CRYL1: variants seen among roughly 807,000 people sequenced by gnomAD.
CRYL1 encodes the protein lambda-crystallin homolog.
Under a neutral mutation model 36.6 loss-of-function variants are expected in CRYL1, and 29 were observed. The observed-to-expected ratio is 0.79, with a 90% CI of 0.59 to 1.08. CRYL1 has a LOEUF of 1.08. Ranked by LOEUF, CRYL1 falls within the 50% of genes least tolerant of loss-of-function variation. The probability of loss-of-function intolerance (pLI) is 0.00; values close to 1 mark genes in which losing one functional copy is unlikely to be tolerated. For missense variants in CRYL1, 411 were observed against 407.9 expected (o/e 1.01, Z -0.06); for synonymous variants, 152 against 151.5 (o/e 1.00, Z -0.02).
intron 3 of CRYL1, among the ~76,000 whole-genome samples, chr13:20,469,550 T>C (rs1247869080): frequency 6.6e-6 from 1 of 152,196 alleles, no homozygotes; most frequent in African/African-American, 2.4e-5. Context: ...GGCCAGAGGC[T>C]GGGAGGGACT....
intron 5 of CRYL1, chr13:20,426,730 T>C: frequency 1.0e-6 from 1 of 985,412 alleles, no homozygotes; most frequent in Non-Finnish European, 1.2e-6. Flanking sequence ...ATCTTTGAGA[T>C]ACACTTCATT....
At chr13:20,504,004 T>C (rs924855687) in intron 2 of CRYL1, among the ~76,000 whole-genome samples, 3 of 152,124 alleles carry the variant, frequency 2.0e-5, no homozygotes, top group Admixed American at 6.5e-5. Context: ...AGGGTGACCA[T>C]GTACAGATGG....
intron 3 of CRYL1, among the ~76,000 whole-genome samples, chr13:20,454,698 C>T (rs7491303): frequency 0.36 from 54,855 of 152,032 alleles, 10,752 homozygotes; most frequent in South Asian, 0.54. Context: ...GGATTACAGG[C>T]GTGAGCCACC....
At chr13:20,499,687 C>T (rs1166330068) in intron 2 of CRYL1, among the ~76,000 whole-genome samples, 1 of 152,060 alleles carries the variant, frequency 6.6e-6, no homozygotes, top group Non-Finnish European at 1.5e-5. Flanking sequence ...ATTGTCAAAT[C>T]TGAGATGTTG....
intron 3 of CRYL1, among the ~76,000 whole-genome samples, chr13:20,486,513 C>T (rs2033404136): frequency 6.9e-6 from 1 of 144,622 alleles, no homozygotes; most frequent in Non-Finnish European, 1.5e-5. Flanking sequence ...TCTAATCCTA[C>T]CTGCATTAAA....
chr13:20,413,626 T>C (rs2031580116), intron 5 of CRYL1, among the ~76,000 whole-genome samples: 1 of 152,228 alleles, frequency 6.6e-6, no homozygotes, highest in Non-Finnish European at 1.5e-5. Flanking sequence ...GAGCTGAGAC[T>C]AAACACAAAA....
chr13:20,422,775 G>A (rs1336124384), intron 5 of CRYL1, among the ~76,000 whole-genome samples: 1 of 152,228 alleles, frequency 6.6e-6, no homozygotes, highest in Non-Finnish European at 1.5e-5. Context: ...CCCATCTCGA[G>A]TGGTATCTAC....
At position 20,404,549 on chromosome 13, in the gene CRYL1, G is replaced by T. The variant is rs2031313754; in HGVS notation, c.846+86C>A. ...GTAAAGATTCCAGCTGCAGAGGCAG[G>T]CCCACCCGCTGCAGAGGTGAGGGGC... On this transcript the variant is annotated intron_variant, in intron 7 of 7. Transcript: ENST00000298248. 3 of 834,746 alleles carry T rather than the reference G, an allele frequency of 3.6e-6. No individual in the cohort carries two copies. In the East Asian group the frequency reaches 7.4e-5, roughly 21 times the overall value. The allele number at this position is 834,746 out of a possible 1,614,324, so 51.7% of individuals were successfully genotyped here.
Position 20,482,756 on chromosome 13 carries a change from T to TGTGTGC in CRYL1, c.276+6613_276+6614insGCACAC, listed in dbSNP as rs889135517. 1.2e-3 allele frequency among the ~76,000 whole-genome samples: 189 copies of TGTGTGC among 151,738 alleles called. No individual in the cohort carries two copies. In the South Asian group the frequency reaches 0.013, roughly 11 times the overall value. On this transcript the variant is annotated intron_variant, in intron 3 of 7. Transcript: ENST00000298248. ...CAAGCAGTCTGTGTGTGTGTGTGTG[T>TGTGTGC]GCGCGCGTGTGTGTGCGCACGCACA...
Position 20,525,072 on chromosome 13 carries a change from C to G in CRYL1, c.41+682G>C, listed in dbSNP as rs1330375509. Among the ~76,000 whole-genome samples, 1 of 151,998 alleles carries G rather than the reference C, an allele frequency of 6.6e-6. No individual in the cohort carries two copies. Among genetic ancestry groups the G allele is most frequent in the African/African-American group, 2.4e-5 (1 of 41,368 alleles). ...GGGGGCGGGGTGGGGGAAGCACACA[C>G]TAAAAATCAGTTTGGGCAGAATTTA... is the stretch of plus-strand genomic sequence containing the variant. On this transcript the variant is annotated intron_variant, in intron 1 of 7. Coordinates refer to ENST00000298248, the MANE Select transcript of CRYL1 (RefSeq NM_015974.3). The surrounding 1 kb of genome is among the most constrained non-coding windows in gnomAD (Gnocchi z 4.3).
chr13:20,444,729 T>C (rs2032419595), intron 3 of CRYL1, among the ~76,000 whole-genome samples: 1 of 152,226 alleles, frequency 6.6e-6, no homozygotes, highest in Non-Finnish European at 1.5e-5. Flanking sequence ...AATACAAATG[T>C]TTTTGGGGAT....
At chr13:20,474,775 A>T (rs1365261839) in intron 3 of CRYL1, among the ~76,000 whole-genome samples, 1 of 152,140 alleles carries the variant, frequency 6.6e-6, no homozygotes, top group Non-Finnish European at 1.5e-5. Flanking sequence ...TGACCAGCCC[A>T]GAAAGGTTTG....
At chr13:20,506,542 CA>C (rs1457996177) in intron 2 of CRYL1, among the ~76,000 whole-genome samples, 5 of 150,220 alleles carry the variant, frequency 3.3e-5, no homozygotes, top group South Asian at 2.1e-4. Flanking sequence ...AAAAAAAAAA[CA>C]AAAAAACTTA....
intron 4 of CRYL1, among the ~76,000 whole-genome samples, chr13:20,432,645 C>A (rs9552176): frequency 0.54 from 81,730 of 151,636 alleles, 22,547 homozygotes; most frequent in Middle Eastern, 0.66. Context: ...AAGCTTCCTC[C>A]CAGCCCACCA....
At chr13:20,408,782 C>T (rs930560915) in intron 6 of CRYL1, among the ~76,000 whole-genome samples, 1 of 151,972 alleles carries the variant, frequency 6.6e-6, no homozygotes, top group Non-Finnish European at 1.5e-5. Context: ...CCTAGGAATC[C>T]AACTTACAAG....
chr13:20,439,579 T>C lies in CRYL1; in HGVS notation c.438+14A>G, dbSNP rs1024100583. On this transcript the variant is annotated intron_variant, in intron 4 of 7. Coordinates refer to ENST00000298248, the MANE Select transcript of CRYL1 (RefSeq NM_015974.3). ...GATGAGATACAATCAATCCTCTGGA[T>C]TTAAAATACTCACAGGATGAGCCAC... The C allele has an allele frequency of 2.5e-6, 4 of 1,581,798 alleles. No homozygotes were observed. In the African/African-American group the frequency reaches 5.6e-5, roughly 22 times the overall value.
At chr13:20,498,154 C>G (rs2033645309) in intron 2 of CRYL1, among the ~76,000 whole-genome samples, 1 of 149,672 alleles carries the variant, frequency 6.7e-6, no homozygotes, top group Admixed American at 6.7e-5. Flanking sequence ...ACATACACCA[C>G]CATACACACT....
At chr13:20,501,804 T>C (rs1368760232) in intron 2 of CRYL1, among the ~76,000 whole-genome samples, 1 of 152,174 alleles carries the variant, frequency 6.6e-6, no homozygotes, top group Admixed American at 6.5e-5. Flanking sequence ...AGGCCCTGAT[T>C]ATGCAGAGGC....
chr13:20,504,094 G>A (rs2033750942), intron 2 of CRYL1, among the ~76,000 whole-genome samples: 2 of 152,128 alleles, frequency 1.3e-5, no homozygotes, highest in African/African-American at 4.8e-5. Flanking sequence ...AAGGCAGTGT[G>A]TTTGGCTCCT....
Sources: gnomAD v4.1 joint callset for allele counts (sites outside exome capture counted in the v4.1 genomes callset) on GRCh38, gnomAD v4.1.1 for gene constraint, Gnocchi (gnomAD v3.1) non-coding constraint, MANE v1.5 for transcripts, NCBI Gene and HGNC (gene_info 2026-07-23, HGNC 2026-07-21) for gene names.